The following ZBED6 variants were observed in gnomAD, a reference collection of about 807,000 sequenced individuals.
The protein encoded by ZBED6 is zinc finger BED-type containing 6.
A neutral mutation model predicts 58.4 loss-of-function variants in ZBED6; 40 were observed. That is an observed-to-expected ratio of 0.68 (90% confidence interval 0.53 to 0.89). ZBED6 has a LOEUF of 0.89. ZBED6 is among the 40% of genes least tolerant of loss of function. ZBED6 has a pLI of 0.00. For missense variants in ZBED6, 1,057 were observed against 1,003.9 expected (o/e 1.05, Z -0.71); for synonymous variants, 439 against 350.6 (o/e 1.25, Z -2.82).
exon 1 of ZBED6, chr1:203,801,343 G>A (rs1207630282): frequency 6.6e-6 from 1 of 152,096 alleles, no homozygotes; most frequent in Admixed American, 6.5e-5. Context: ...CTGTGCGGTT[G>A]TTTTGGCCAC....
In ZBED6 at chr1:203,831,264, C is replaced by A. The variant is rs56222135; in HGVS notation, c.*3400-397C>A. Among the ~76,000 whole-genome samples the A allele has an allele frequency of 6.5e-4, 99 of 152,116 alleles. No individual in the cohort carries two copies. In the East Asian group the frequency reaches 0.018, roughly 28 times the overall value. On this transcript the variant is annotated intron_variant, in intron 7 of 16. Transcript: ENST00000550078. ...AGAGAGAAATGGTTCTAAAAACCTT[C>A]TTTTAAGGCTTGCTTTATAGCAACC...
intron 1 of ZBED6, among the ~76,000 whole-genome samples, chr1:203,815,442 C>T (rs113868031): frequency 0.11 from 16,515 of 145,362 alleles, 1,156 homozygotes; most frequent in Non-Finnish European, 0.15. Flanking sequence ...TGGTCTCGAA[C>T]TCCTGGACTC....
At chr1:203,806,078 C>A in intron 1 of ZBED6, 1 of 508,396 alleles carries the variant, frequency 2.0e-6, no homozygotes. Flanking sequence ...ACTCGCAAGG[C>A]TTTCTGCGTA....
At chr1:203,830,026 T>TG (rs1347283591) in intron 6 of ZBED6, 97 bp from the exon 7 acceptor site, 1 of 1,320,714 alleles carries the variant, frequency 7.6e-7, no homozygotes. Flanking sequence ...TAGTTTCTGT[T>TG]GATCATTTAT....
chr1:203,850,791 T>C (rs149659065), intron 15 of ZBED6, 110 bp downstream of exon 15: 3 of 1,429,948 alleles, frequency 2.1e-6, no homozygotes, highest in Non-Finnish European at 2.8e-6. Flanking sequence ...TGGCATTTCC[T>C]AGCATTTTAG....
At chr1:203,796,583 G>T in exon 1 of ZBED6, 1 of 397,722 alleles carries the variant, frequency 2.5e-6, no homozygotes, top group South Asian at 1.3e-4. Context: ...TGGAACTAGA[G>T]ATAGCGATGC....
At chr1:203,837,695 C>G (rs953778234) in intron 9 of ZBED6, among the ~76,000 whole-genome samples, 1 of 152,076 alleles carries the variant, frequency 6.6e-6, no homozygotes, top group Admixed American at 6.5e-5. Context: ...CCAGGCTGGT[C>G]TCGAACTCCT....
chr1:203,817,223 A>G, intron 2 of ZBED6, 99 bp downstream of exon 2: 3 of 972,944 alleles, frequency 3.1e-6, no homozygotes, highest in East Asian at 3.0e-5. Context: ...TTATATATAT[A>G]TTTTTTGCCC....
At chr1:203,818,309 T>C (rs1274549772) in intron 2 of ZBED6, among the ~76,000 whole-genome samples, 5 of 152,176 alleles carry the variant, frequency 3.3e-5, no homozygotes, top group African/African-American at 1.2e-4. Context: ...GACCTAACAC[T>C]CCTACTTGTC....
chr1:203,819,198 T>G (rs1372856380), intron 3 of ZBED6, among the ~76,000 whole-genome samples: 2 of 150,864 alleles, frequency 1.3e-5, no homozygotes, highest in Non-Finnish European at 3.0e-5. Flanking sequence ...ACAACTTTCC[T>G]CTATGCAATT....
At chr1:203,850,413 G>T (rs1228550444) in intron 14 of ZBED6, 102 bp from the exon 15 acceptor site, 24 of 1,473,002 alleles carry the variant, frequency 1.6e-5, no homozygotes, top group Non-Finnish European at 2.2e-5. Context: ...ATTATTTGTG[G>T]TATTTCTAGT....
intron 11 of ZBED6, among the ~76,000 whole-genome samples, chr1:203,842,347 G>A (rs978654380): frequency 7.9e-5 from 12 of 152,280 alleles, no homozygotes; most frequent in Non-Finnish European, 1.6e-4. Context: ...CTGCAATCCC[G>A]GCACCTCGGG....
chr1:203,818,082 T>C lies in ZBED6; in HGVS notation c.*2754-488T>C, dbSNP rs1298524872. Among the ~76,000 whole-genome samples, 3 of 152,280 alleles carry C rather than the reference T, an allele frequency of 2.0e-5. No homozygotes were observed. The East Asian group carries it at 5.8e-4, about 29-fold the overall frequency. On this transcript the variant is annotated intron_variant, in intron 2 of 16. Coordinates refer to ENST00000550078, the Ensembl canonical transcript of ZBED6. ...TTAAATGATGAGTTTTGAGCAAAGC[T>C]GTGATAATTTTATCTTACCTATAGC...
At position 203,842,853 on chromosome 1, in the gene ZBED6, T is replaced by C. The variant is rs530620696; in HGVS notation, c.*3741+2479T>C. Among the ~76,000 whole-genome samples the C allele has an allele frequency of 3.7e-3, 564 of 151,728 alleles. 4 individuals are homozygous for C. Among genetic ancestry groups the C allele is most frequent in the African/African-American group, 0.013 (542 of 41,506 alleles). On this transcript the variant is annotated intron_variant, in intron 11 of 16. Transcript: ENST00000550078. The stretch of plus-strand genomic sequence containing the variant: ...TTTAAATTTTTTAAATTATGAAATA[T>C]AACTACATAAGTATATATATGTACA...
exon 1 of ZBED6, chr1:203,801,117 ATAT>A (rs1670434604): frequency 6.6e-6 from 1 of 152,192 alleles, no homozygotes; most frequent in Non-Finnish European, 1.5e-5. Context: ...CCTTTATAAA[ATAT>A]TATAAAAATA....
exon 1 of ZBED6, chr1:203,798,430 C>T: frequency 6.5e-7 from 1 of 1,535,086 alleles, no homozygotes; most frequent in Non-Finnish European, 8.7e-7. Context: ...CACTTAGGGA[C>T]TTCAACACTT....
At chr1:203,824,008 C>T (rs1158918337) in intron 3 of ZBED6, among the ~76,000 whole-genome samples, 1 of 152,100 alleles carries the variant, frequency 6.6e-6, no homozygotes, top group Non-Finnish European at 1.5e-5. Flanking sequence ...GTGGCTCATG[C>T]CTGTAATCTC....
At chr1:203,812,073 T>C (rs1283463245) in intron 1 of ZBED6, among the ~76,000 whole-genome samples, 1 of 152,174 alleles carries the variant, frequency 6.6e-6, no homozygotes, top group East Asian at 1.9e-4. Context: ...CACCTCGGCC[T>C]CCCAAAGTGC....
At chr1:203,837,907 T>TTTC in intron 9 of ZBED6, 59 bp from the exon 10 acceptor site, 1 of 1,528,094 alleles carries the variant, frequency 6.5e-7, no homozygotes. Context: ...TTTGTTTGTA[T>TTTC]TTCTTGTCCT....
Sources: gnomAD v4.1 joint callset for allele counts (sites outside exome capture counted in the v4.1 genomes callset) on GRCh38, gnomAD v4.1.1 for gene constraint, MANE v1.5 for transcripts, NCBI Gene and HGNC (gene_info 2026-07-23, HGNC 2026-07-21) for gene names.